Variants in PVALEF observed in about 807,000 individuals in gnomAD.
PVALEF encodes the protein parvalbumin like EF-hand containing.
PVALEF carries 2 observed loss-of-function variants against 1.2 expected under a neutral mutation model. The ratio of observed to expected loss-of-function variants is 1.68; its 90% CI spans 0.69 to 5.28. PVALEF has a LOEUF of 5.28. Ranked by LOEUF, PVALEF falls within the 30% of genes most tolerant of loss-of-function variation. The pLI is 0.06. For missense variants in PVALEF, 35 were observed against 17.7 expected (o/e 1.97, Z -1.75); for synonymous variants, 16 against 6.5 (o/e 2.47, Z -2.24).
chr17:81,167,100 C>T (rs1436333274), intron 2 of PVALEF, among the ~76,000 whole-genome samples: 2 of 152,198 alleles, frequency 1.3e-5, no homozygotes, highest in Non-Finnish European at 2.9e-5. Context: ...CCAGACCAGC[C>T]TGGGCAACAT....
intron 2 of PVALEF, among the ~76,000 whole-genome samples, chr17:81,172,032 T>C (rs982537256): frequency 3.9e-5 from 6 of 152,168 alleles, no homozygotes; most frequent in African/African-American, 1.4e-4. Context: ...TTCATAAAAA[T>C]GGAATCACAT....
chr17:81,178,565 C>T (rs1009008379), intron 2 of PVALEF, among the ~76,000 whole-genome samples: 2 of 152,290 alleles, frequency 1.3e-5, no homozygotes, highest in Non-Finnish European at 2.9e-5. Flanking sequence ...GCAGGCTGTG[C>T]TGTGCCCCTT....
rs889466593 is a variant in PVALEF, at chr17:81,181,125, G to T, written c.-102G>T. On this transcript the variant is annotated splice_region_variant and 5_prime_UTR_variant, in exon 4 of 7. It adds an upstream start codon to the 5' untranslated region. Coordinates refer to ENST00000637878, the MANE Select transcript of PVALEF (RefSeq NM_001354639.2). ...CTGTCACCATTCCCACTTTACAGCA[G>T]GATCCAGCACCACGCGGCGTCTACG... 4.2e-5 allele frequency: 28 copies of T among 664,126 alleles called. No homozygotes were observed. The highest frequency in any genetic ancestry group is 3.0e-4 in the Admixed American group (14 of 46,480). The allele number at this position is 664,126 out of a possible 1,614,324, so 41.1% of individuals were successfully genotyped here. A position where few individuals can be genotyped will look rare whatever the true frequency, so the allele number is the denominator to read the frequency against.
intron 2 of PVALEF, among the ~76,000 whole-genome samples, chr17:81,169,709 C>T (rs565359550): frequency 6.6e-6 from 1 of 152,042 alleles, no homozygotes; most frequent in East Asian, 1.9e-4. Context: ...CCAACCTCTG[C>T]CTGCATCGTC....
At position 81,177,240 on chromosome 17, in the gene PVALEF, CAAAAAAAAA is replaced by C. The variant is rs1163157496; in HGVS notation, c.-339-1664_-339-1656del. Reference sequence around the variant, plus strand: ...CCGCACCAGGCTTGAAACTCCATCTCAAAAAAAAAAAAAAAAAAAAAAGGCAGCCGGGTA... The same window carrying C: ...CCGCACCAGGCTTGAAACTCCATCTCAAAAAAAAAAAAAGGCAGCCGGGTA... On this transcript the variant is annotated intron_variant, in intron 2 of 6. Coordinates refer to ENST00000637878, the MANE Select transcript of PVALEF (RefSeq NM_001354639.2). Among the ~76,000 whole-genome samples, 3 of 74,040 alleles carry C rather than the reference CAAAAAAAAA, an allele frequency of 4.1e-5. No individual in the cohort carries two copies. The South Asian group carries it at 2.8e-3, about 69-fold the overall frequency. 48.6% of individuals were successfully genotyped at this position (74,040 alleles called of 152,430 possible). A position where few individuals can be genotyped will look rare whatever the true frequency, so the allele number is the denominator to read the frequency against.
chr17:81,166,060 G>C (rs2061487195), intron 1 of PVALEF: 1 of 1,161,834 alleles, frequency 8.6e-7, no homozygotes. Context: ...GCCCCGGCCC[G>C]AGCCGCCGCA....
In PVALEF at chr17:81,181,299, A is replaced by G; in HGVS notation, c.73A>G (p.Ile25Val). The G allele has an allele frequency of 1.4e-6, 1 of 697,600 alleles. No individual in the cohort carries two copies. Among genetic ancestry groups the G allele is most frequent in the South Asian group, 1.5e-5 (1 of 66,268 alleles). 43.2% of individuals were successfully genotyped at this position (697,600 alleles called of 1,614,324 possible). A position where few individuals can be genotyped will look rare whatever the true frequency, so the allele number is the denominator to read the frequency against. The change falls in exon 4 of 7, where the codon ATT becomes GTT. Residue 25 changes from isoleucine (I) to valine (V), a missense_variant. By Grantham distance (29) the Ile-to-Val change is conservative (BLOSUM62 3). Coordinates refer to ENST00000637878, the MANE Select transcript of PVALEF (RefSeq NM_001354639.2). ...AMGTSLSDKD[I>V]ELLPTDMRHH... ...GGGCACGTCCCTATCAGACAAGGAC[A>G]TTGAGCTGCTGCCCACAGACATGAG...
chr17:81,166,262 G>GC (rs1466388396), intron 1 of PVALEF, among the ~76,000 whole-genome samples: 1 of 61,070 alleles, frequency 1.6e-5, no homozygotes, highest in African/African-American at 5.4e-5. Flanking sequence ...GCGCGGGGGA[G>GC]GGGGGGGCCC....
In PVALEF at chr17:81,166,815, TGAG is replaced by T. The variant is rs1294708441; in HGVS notation, c.-368_-366del. 2.4e-5 allele frequency: 11 copies of T among 454,284 alleles called. No homozygotes were observed. The Admixed American group carries it at 2.6e-4, about 11-fold the overall frequency. The allele number at this position is 454,284 out of a possible 1,614,324, so 28.1% of individuals were successfully genotyped here. A position where few individuals can be genotyped will look rare whatever the true frequency, so the allele number is the denominator to read the frequency against. On this transcript the variant is annotated 5_prime_UTR_variant, in exon 2 of 7. An upstream open reading frame in the 5' UTR loses its in-frame stop. Coordinates refer to ENST00000637878, the MANE Select transcript of PVALEF (RefSeq NM_001354639.2). ...GACAGCCATGAAGGAAGAACCTGGC[TGAG>T]TCTCCACCTGCCGTGGACTGTACCA...
chr17:81,179,744 G>C (rs2061547299), intron 3 of PVALEF, among the ~76,000 whole-genome samples: 1 of 152,206 alleles, frequency 6.6e-6, no homozygotes, highest in African/African-American at 2.4e-5. Context: ...GCTGTGGGCA[G>C]ACCACAGCTT....
At position 81,165,760 on chromosome 17, in the gene PVALEF, G is replaced by A. The variant is rs2061480967; in HGVS notation, c.-508+13G>A. The A allele has an allele frequency of 2.0e-6, 3 of 1,519,934 alleles. No individual in the cohort carries two copies. The highest frequency in any genetic ancestry group is 4.0e-5 in the Admixed American group (2 of 49,922). 94.2% of individuals were successfully genotyped at this position (1,519,934 alleles called of 1,614,324 possible). ...CAGGCGGAGGCCGGTTTGTGCTGGG[G>A]CCCAGGGCCTGCCCCTCCGAGATCT... On this transcript the variant is annotated intron_variant, in intron 1 of 6. Transcript: ENST00000637878.
At chr17:81,166,291 T>TG (rs1295576719) in intron 1 of PVALEF, among the ~76,000 whole-genome samples, 25 of 34,350 alleles carry the variant, frequency 7.3e-4, no homozygotes, top group South Asian at 2.8e-3. Flanking sequence ...CGGGGTGGCA[T>TG]GGGGGGAGCA....
chr17:81,183,061 G>A lies in PVALEF; in HGVS notation c.*50G>A, dbSNP rs2061560185. 2.5e-6 allele frequency: 1 copy of A among 398,582 alleles called. No individual in the cohort carries two copies. The highest frequency in any genetic ancestry group is 4.4e-5 in the Admixed American group (1 of 22,722). 24.7% of individuals were successfully genotyped at this position (398,582 alleles called of 1,614,324 possible). Reference sequence around the variant, plus strand: ...AAGGGGCTCCCATGGGGTAACCGGGGTGACCACGCACCTGGGCAGAAGCCG... The same window carrying A: ...AAGGGGCTCCCATGGGGTAACCGGGATGACCACGCACCTGGGCAGAAGCCG... On this transcript the variant is annotated 3_prime_UTR_variant, in exon 7 of 7. Transcript: ENST00000637878.
At position 81,182,063 on chromosome 17, in the gene PVALEF, G is replaced by A. The variant is rs1024335974; in HGVS notation, c.340G>A (p.Gly114Arg). ...MIQAADTHGD[G>R]RINYEEFSEL... ...CCAGGCGGCAGACACACACGGGGACGGGAGGATCAACTACGAAGGTGGGGG... is the reference window on the plus strand; with the variant it reads ...CCAGGCGGCAGACACACACGGGGACAGGAGGATCAACTACGAAGGTGGGGG... The change falls in exon 6 of 7, where the codon GGG becomes AGG. Residue 114 changes from glycine (G) to arginine (R), a missense_variant. Gly to Arg is a moderately radical substitution (Grantham distance 125). Transcript: ENST00000637878. The A allele has an allele frequency of 1.0e-4, 40 of 398,720 alleles. No individual in the cohort carries two copies. The highest frequency in any genetic ancestry group is 8.9e-4 in the South Asian group (7 of 7,864). 24.7% of individuals were successfully genotyped at this position (398,720 alleles called of 1,614,324 possible). A position where few individuals can be genotyped will look rare whatever the true frequency, so the allele number is the denominator to read the frequency against.
At position 81,179,105 on chromosome 17, in the gene PVALEF, C is replaced by A. The variant is rs1467393484; in HGVS notation, c.-152C>A. On this transcript the variant is annotated 5_prime_UTR_variant, in exon 3 of 7. Coordinates refer to ENST00000637878, the MANE Select transcript of PVALEF (RefSeq NM_001354639.2). ...GCTGGAGCCCCTGGGCCTCTCCACA[C>A]CCCAGCCTGACCCACCTTCCAGAAC... 6.9e-6 allele frequency: 3 copies of A among 432,078 alleles called. No homozygotes were observed. Among genetic ancestry groups the A allele is most frequent in the Admixed American group, 5.1e-5 (2 of 39,324 alleles). The allele number at this position is 432,078 out of a possible 1,614,324, so 26.8% of individuals were successfully genotyped here.
intron 3 of PVALEF, 99 bp downstream of exon 3, chr17:81,179,251 A>G: frequency 4.1e-6 from 1 of 242,968 alleles, no homozygotes; most frequent in South Asian, 3.6e-5. Flanking sequence ...CCACAGGACA[A>G]GGGTGGCCCT....
At position 81,170,064 on chromosome 17, in the gene PVALEF, GTGTA is replaced by G. The variant is rs201187934; in HGVS notation, c.-340+3224_-340+3227del. Reference sequence around the variant, plus strand: ...GGCATGTGTGTGCATGTGTGTTGGTGTGTATGTGTGTGCATATGTGTAGGTGTGT... The same window carrying G: ...GGCATGTGTGTGCATGTGTGTTGGTGTGTGTGTGCATATGTGTAGGTGTGT... On this transcript the variant is annotated intron_variant, in intron 2 of 6. Coordinates refer to ENST00000637878, the MANE Select transcript of PVALEF (RefSeq NM_001354639.2). Among the ~76,000 whole-genome samples the G allele has an allele frequency of 6.1e-3, 926 of 151,544 alleles. 4 individuals carry two copies. Among genetic ancestry groups the G allele is most frequent in the Non-Finnish European group, 8.1e-3 (546 of 67,806 alleles).
intron 3 of PVALEF, among the ~76,000 whole-genome samples, chr17:81,180,033 A>T (rs1184296495): frequency 6.6e-6 from 1 of 150,932 alleles, no homozygotes; most frequent in African/African-American, 2.4e-5. Flanking sequence ...ATCCCATTAA[A>T]CTCCAGCCCG....
At chr17:81,175,475 C>A (rs1293466894) in intron 2 of PVALEF, among the ~76,000 whole-genome samples, 2 of 152,030 alleles carry the variant, frequency 1.3e-5, no homozygotes, top group Non-Finnish European at 2.9e-5. Context: ...CCAAGATATC[C>A]AAAACAATCT....
Sources: allele counts gnomAD v4.1 joint callset (sites outside exome capture counted in the v4.1 genomes callset), GRCh38; gene constraint gnomAD v4.1.1; transcripts MANE v1.5; gene names NCBI Gene and HGNC (gene_info 2026-07-23, HGNC 2026-07-21).